Variants in RAPGEF6 observed in about 807,000 individuals in gnomAD.
RAPGEF6 encodes PDZ domain containing guanine nucleotide exchange factor (GEF) 2.
RAPGEF6 carries 56 observed loss-of-function variants against 171.4 expected under a neutral mutation model. The observed-to-expected ratio is 0.33, with a 90% confidence interval of 0.26 to 0.41. RAPGEF6 has a LOEUF of 0.41. Among genes scored for constraint, RAPGEF6 ranks in the 10% least tolerant of loss-of-function variants. The probability of loss-of-function intolerance (pLI) is 1.00; values close to 1 mark genes in which losing one functional copy is unlikely to be tolerated. For synonymous variants in RAPGEF6, 692 were observed against 650.1 expected (o/e 1.06, Z -0.98); for missense variants, 1,674 against 1,921.4 (o/e 0.87, Z 2.41).
chr5:131,431,826 A>T (rs1181699375), intron 25 of RAPGEF6, among the ~76,000 whole-genome samples: 1 of 152,180 alleles, frequency 6.6e-6, no homozygotes, highest in Non-Finnish European at 1.5e-5. Flanking sequence ...TGTAAAGATG[A>T]GAGTTGAAAT....
intron 23 of RAPGEF6, 130 bp downstream of exon 23, chr5:131,442,219 G>T: frequency 1.1e-6 from 1 of 877,940 alleles, no homozygotes; most frequent in Non-Finnish European, 1.6e-6. Flanking sequence ...CAACATTTTT[G>T]ATTCATAAAG....
intron 21 of RAPGEF6, among the ~76,000 whole-genome samples, chr5:131,452,459 A>C (rs1355316663): frequency 6.6e-6 from 1 of 152,194 alleles, no homozygotes; most frequent in Non-Finnish European, 1.5e-5. Context: ...AACACAGTAT[A>C]ATTTGAGAAA....
intron 1 of RAPGEF6, among the ~76,000 whole-genome samples, chr5:131,615,711 C>A (rs1355345608): frequency 6.6e-6 from 1 of 152,008 alleles, no homozygotes; most frequent in Non-Finnish European, 1.5e-5. Context: ...ACCAGCCTGG[C>A]CAACATGGCA....
At chr5:131,548,304 G>C in intron 5 of RAPGEF6, 114 bp from the exon 6 acceptor site, 1 of 1,043,630 alleles carries the variant, frequency 9.6e-7, no homozygotes, top group Non-Finnish European at 1.4e-6. Flanking sequence ...ACAAGAAACT[G>C]CCTCAAGAAA....
At chr5:131,545,091 G>A (rs997783901) in intron 6 of RAPGEF6, among the ~76,000 whole-genome samples, 14 of 152,004 alleles carry the variant, frequency 9.2e-5, no homozygotes, top group African/African-American at 3.1e-4. Context: ...AACACTCAAC[G>A]GAGCTTCAAA....
chr5:131,473,260 C>T (rs1754875786), intron 16 of RAPGEF6, among the ~76,000 whole-genome samples: 1 of 152,096 alleles, frequency 6.6e-6, no homozygotes, highest in African/African-American at 2.4e-5. Flanking sequence ...GGTCTTTAAA[C>T]ACTGGACCAG....
rs780655587 is a variant in RAPGEF6, at chr5:131,442,413, A to G, written c.3546T>C (p.Leu1182=). The change falls in exon 23 of 28, where the codon CTT becomes CTC. Residue 1182 remains leucine, a synonymous_variant. Transcript: ENST00000509018. The part of the protein sequence containing the change: ...LHQPHRVSQV[L]QVPAVNLHPI... ...GGTGCAAATTAACAGCTGGCACCTG[A>G]AGCACCTGGCTTACTCTGTGGGGTT... 2 of 1,614,142 alleles carry G rather than the reference A, an allele frequency of 1.2e-6. No homozygotes were observed. The highest frequency in any genetic ancestry group is 1.7e-6 in the Non-Finnish European group (2 of 1,180,014).
chr5:131,448,687 T>C (rs763126414), intron 21 of RAPGEF6, among the ~76,000 whole-genome samples: 10 of 152,202 alleles, frequency 6.6e-5, no homozygotes, highest in Non-Finnish European at 1.0e-4. Flanking sequence ...CTAAACTACT[T>C]TGAAAACAGA....
At chr5:131,567,034 C>T (rs933750671) in intron 4 of RAPGEF6, among the ~76,000 whole-genome samples, 1 of 148,346 alleles carries the variant, frequency 6.7e-6, no homozygotes, top group African/African-American at 2.5e-5. Flanking sequence ...GTGGAGTTTG[C>T]AGTGAGCCAA....
intron 1 of RAPGEF6, among the ~76,000 whole-genome samples, chr5:131,631,975 C>G (rs1766336555): frequency 6.7e-6 from 1 of 149,504 alleles, no homozygotes; most frequent in South Asian, 2.1e-4. Flanking sequence ...ACTCAGGAGG[C>G]TGAGGCAGGA....
intron 4 of RAPGEF6, among the ~76,000 whole-genome samples, chr5:131,576,347 A>C (rs1330923817): frequency 6.6e-6 from 1 of 152,136 alleles, no homozygotes; most frequent in Non-Finnish European, 1.5e-5. Context: ...TGCCAAACTT[A>C]TTGCTTTAAC....
chr5:131,627,963 C>T (rs1265003969), intron 1 of RAPGEF6, among the ~76,000 whole-genome samples: 2 of 152,172 alleles, frequency 1.3e-5, no homozygotes, highest in African/African-American at 2.4e-5. Flanking sequence ...AGATGGCAAA[C>T]GTAACTGATG....
intron 15 of RAPGEF6, among the ~76,000 whole-genome samples, chr5:131,489,019 A>G (rs1308830183): frequency 1.3e-5 from 2 of 152,212 alleles, no homozygotes; most frequent in East Asian, 3.8e-4. Context: ...AACACAACAG[A>G]GGCACTGTAA....
chr5:131,544,243 G>A (rs1410384995), intron 6 of RAPGEF6, among the ~76,000 whole-genome samples: 1 of 152,090 alleles, frequency 6.6e-6, no homozygotes, highest in Non-Finnish European at 1.5e-5. Context: ...GCAAAGATTT[G>A]TACATAAATG....
chr5:131,506,476 A>C (rs1464723005), intron 9 of RAPGEF6, among the ~76,000 whole-genome samples: 1 of 152,218 alleles, frequency 6.6e-6, no homozygotes, highest in African/African-American at 2.4e-5. Flanking sequence ...GTGAAAGACC[A>C]CTTATTCTCC....
chr5:131,481,209 G>A (rs767814757), intron 15 of RAPGEF6, among the ~76,000 whole-genome samples: 3 of 149,608 alleles, frequency 2.0e-5, no homozygotes, highest in Non-Finnish European at 4.5e-5. Flanking sequence ...ACAGGCGTGA[G>A]CCACCATGCC....
intron 11 of RAPGEF6, 45 bp from the exon 12 acceptor site, chr5:131,498,652 C>A: frequency 6.5e-7 from 1 of 1,546,930 alleles, no homozygotes; most frequent in Non-Finnish European, 8.9e-7. Context: ...AACAAATGAC[C>A]CAAGAACCAA....
rs1454960807 is a variant in RAPGEF6, at chr5:131,522,032, GATTAC to G, written c.496-516_496-512del. ...CAAGACTTAAGACCAGTAACAAGTT[GATTAC>G]ATTAAATATTCCAAAAATTCTGTGA... On this transcript the variant is annotated intron_variant, in intron 6 of 27. Transcript: ENST00000509018. Among the ~76,000 whole-genome samples the G allele has an allele frequency of 3.3e-5, 5 of 152,154 alleles. No homozygotes were observed. In the East Asian group the frequency reaches 9.6e-4, roughly 29 times the overall value.
intron 3 of RAPGEF6, among the ~76,000 whole-genome samples, chr5:131,597,260 T>C (rs1763956226): frequency 6.6e-6 from 1 of 151,876 alleles, no homozygotes; most frequent in Non-Finnish European, 1.5e-5. Flanking sequence ...ACTTATACAC[T>C]GTTGGTGGGA....
Sources: gnomAD v4.1 joint callset for allele counts (sites outside exome capture counted in the v4.1 genomes callset) on GRCh38, gnomAD v4.1.1 for gene constraint, MANE v1.5 for transcripts, NCBI Gene and HGNC (gene_info 2026-07-23, HGNC 2026-07-21) for gene names.